The following BCL2 variants were observed in gnomAD, a reference collection of about 807,000 sequenced individuals.
The protein encoded by BCL2 is BCL2 apoptosis regulator.
Under a neutral mutation model 14.2 loss-of-function variants are expected in BCL2, and 1 was observed. The observed-to-expected ratio is 0.07, with a 90% CI of 0.02 to 0.33. The LOEUF (loss-of-function observed/expected upper bound fraction) is 0.33, where lower values mean the gene tolerates loss of function less well. Among genes scored for constraint, BCL2 ranks in the 10% least tolerant of loss-of-function variants. The probability of loss-of-function intolerance (pLI) is 0.99; values close to 1 mark genes in which losing one functional copy is unlikely to be tolerated. For synonymous variants in BCL2, 151 were observed against 137.2 expected, an observed-to-expected ratio of 1.10 and a Z score of -0.70; for missense variants, 247 against 305.9, an observed-to-expected ratio of 0.81 and a Z score of 1.44.
At chr18:63,154,398 C>T (rs1914722733) in intron 2 of BCL2, among the ~76,000 whole-genome samples, 1 of 152,172 alleles carries the variant, frequency 6.6e-6, no homozygotes, top group South Asian at 2.1e-4. Flanking sequence ...CTGCTAGACC[C>T]ACAAAGCAGT....
chr18:63,255,258 A>G (rs1599272319), intron 2 of BCL2, among the ~76,000 whole-genome samples: 1 of 152,216 alleles, frequency 6.6e-6, no homozygotes, highest in Non-Finnish European at 1.5e-5. Flanking sequence ...CTGGTCACCA[A>G]TAAAATGGGA....
intron 2 of BCL2, among the ~76,000 whole-genome samples, chr18:63,258,945 T>C (rs1370776660): frequency 1.3e-5 from 2 of 152,222 alleles, no homozygotes; most frequent in South Asian, 4.1e-4. Context: ...TGCAAAACAA[T>C]GCCTGACAAA....
chr18:63,210,140 G>A (rs535680716), intron 2 of BCL2, among the ~76,000 whole-genome samples: 3 of 152,324 alleles, frequency 2.0e-5, no homozygotes, highest in East Asian at 1.9e-4. Flanking sequence ...CAAAGGAGCA[G>A]CCAAGCTAAA....
intron 2 of BCL2, among the ~76,000 whole-genome samples, chr18:63,198,447 CAGACACAG>C (rs1202126755): frequency 6.7e-6 from 1 of 149,206 alleles, no homozygotes; most frequent in East Asian, 2.0e-4. Context: ...CACTGACACA[CAGACACAG>C]AGACACACAC....
intron 2 of BCL2, among the ~76,000 whole-genome samples, chr18:63,254,059 T>A (rs905588892): frequency 2.0e-5 from 3 of 152,136 alleles, no homozygotes; most frequent in African/African-American, 7.2e-5. Flanking sequence ...TTCTTTGGTC[T>A]CTACTTTCAG....
intron 2 of BCL2, among the ~76,000 whole-genome samples, chr18:63,224,005 T>C (rs1178737100): frequency 4.7e-5 from 7 of 150,366 alleles, no homozygotes; most frequent in African/African-American, 1.7e-4. Context: ...GAAAAAAAAA[T>C]GCAGAAAACT....
chr18:63,175,961 G>T (rs150030210), intron 2 of BCL2, among the ~76,000 whole-genome samples: 5 of 152,322 alleles, frequency 3.3e-5, no homozygotes, highest in Non-Finnish European at 5.9e-5. Flanking sequence ...TATGATGGAA[G>T]GATACATGAC....
chr18:63,198,724 GACACACAC>G (rs1304897747), intron 2 of BCL2, among the ~76,000 whole-genome samples: 2 of 94,438 alleles, frequency 2.1e-5, no homozygotes, highest in African/African-American at 8.8e-5. Context: ...CACACACACA[GACACACAC>G]AGACACAGGG....
chr18:63,199,682 C>T (rs2144662700), intron 2 of BCL2, among the ~76,000 whole-genome samples: 1 of 152,010 alleles, frequency 6.6e-6, no homozygotes, highest in South Asian at 2.1e-4. Flanking sequence ...CACACAGGTA[C>T]AGACACGCAG....
rs543688353 is a variant in BCL2 at position 63,318,045 on chromosome 18, G to A, written c.585+37C>T. On this transcript the variant is annotated intron_variant, in intron 2 of 2. Coordinates refer to ENST00000333681, the MANE Select transcript of BCL2 (RefSeq NM_000633.3). This position sits in a 1 kb window ranked among gnomAD's most constrained non-coding sequence, Gnocchi z 7.4. ...TCCAACCCCCGCATCTCGGACCTGT[G>A]GCCTCAGCCCAGACTCACATCACCA... 16 of 1,605,282 alleles carry A rather than the reference G, an allele frequency of 1.0e-5. No individual in the cohort carries two copies. The highest frequency in any genetic ancestry group is 9.0e-5 in the East Asian group (4 of 44,654).
In BCL2 at chr18:63,149,441, C is replaced by A. The variant is rs967422204; in HGVS notation, c.586-20682G>T. On this transcript the variant is annotated intron_variant, in intron 2 of 2. Transcript: ENST00000333681. The surrounding 1 kb of genome is among the most constrained non-coding windows in gnomAD (Gnocchi z 4.2). ...TTCCTAACAGGCCACAGACCCATAC[C>A]GGTCCCGGGCTATATGTATAAGTTG... 4.6e-5 allele frequency among the ~76,000 whole-genome samples: 7 copies of A among 152,344 alleles called. No homozygotes were observed. The highest frequency in any genetic ancestry group is 1.7e-4 in the African/African-American group (7 of 41,578).
intron 2 of BCL2, among the ~76,000 whole-genome samples, chr18:63,165,913 C>G (rs1331555096): frequency 2.0e-5 from 3 of 152,206 alleles, no homozygotes; most frequent in African/African-American, 7.2e-5. Flanking sequence ...CAGTCATTGT[C>G]AAAAATCACA....
chr18:63,289,278 A>G (rs1198999269), intron 2 of BCL2, among the ~76,000 whole-genome samples: 2 of 152,244 alleles, frequency 1.3e-5, no homozygotes, highest in Non-Finnish European at 2.9e-5. Context: ...TGGCACAAAA[A>G]AAAAGAAAAA....
chr18:63,204,240 G>A (rs1215233723), intron 2 of BCL2, among the ~76,000 whole-genome samples: 1 of 152,180 alleles, frequency 6.6e-6, no homozygotes, highest in African/African-American at 2.4e-5. Context: ...TTACTCCATG[G>A]GTAGTAAATA....
chr18:63,198,465 CAG>C (rs1425249437), intron 2 of BCL2, among the ~76,000 whole-genome samples: 2 of 150,714 alleles, frequency 1.3e-5, no homozygotes, highest in Admixed American at 6.6e-5. Flanking sequence ...GAGACACACA[CAG>C]ACACACACTG....
chr18:63,181,394 ATC>A (rs1348859723), intron 2 of BCL2, among the ~76,000 whole-genome samples: 3 of 152,158 alleles, frequency 2.0e-5, no homozygotes, highest in Admixed American at 6.5e-5. Flanking sequence ...GCAACACAGA[ATC>A]TCTCTCTCTT....
chr18:63,290,619 C>T (rs1245009183), intron 2 of BCL2, among the ~76,000 whole-genome samples: 1 of 152,110 alleles, frequency 6.6e-6, no homozygotes. Context: ...AGGATAAATG[C>T]CATGGCAGGA....
At chr18:63,252,075 G>A (rs768612092) in intron 2 of BCL2, among the ~76,000 whole-genome samples, 1 of 152,126 alleles carries the variant, frequency 6.6e-6, no homozygotes, top group African/African-American at 2.4e-5. Flanking sequence ...ATTAAAGTAT[G>A]CAAAGAAGCC....
At chr18:63,159,599 T>C (rs1914867434) in intron 2 of BCL2, among the ~76,000 whole-genome samples, 1 of 152,194 alleles carries the variant, frequency 6.6e-6, no homozygotes, top group Non-Finnish European at 1.5e-5. Flanking sequence ...GGAGAAGCAG[T>C]CCATCTCAGT....
Sources: gnomAD v4.1 joint callset for allele counts (sites outside exome capture counted in the v4.1 genomes callset) on GRCh38, gnomAD v4.1.1 for gene constraint, Gnocchi (gnomAD v3.1) non-coding constraint, MANE v1.5 for transcripts, NCBI Gene and HGNC (gene_info 2026-07-23, HGNC 2026-07-21) for gene names.